The following BRD10 variants were observed in gnomAD, a reference collection of about 807,000 sequenced individuals.
The protein encoded by BRD10 is bromodomain containing 10.
At chr9:5,893,387 C>G in the BRD10 span, among the ~76,000 whole-genome samples, 1 of 152,190 alleles carries the variant, frequency 6.6e-6, no homozygotes, top group Admixed American at 6.5e-5. Context: ...TGTGAACCTG[C>G]TCTTTCTTTG....
At chr9:5,882,043 T>G in the BRD10 span, among the ~76,000 whole-genome samples, 26 of 152,150 alleles carry the variant, frequency 1.7e-4, no homozygotes, top group Non-Finnish European at 3.4e-4. Flanking sequence ...CCGGCAACCT[T>G]CCATAGTCTC....
At chr9:5,947,863 G>C in the BRD10 span, among the ~76,000 whole-genome samples, 3 of 151,836 alleles carry the variant, frequency 2.0e-5, no homozygotes, top group Non-Finnish European at 4.4e-5. Context: ...TTTTAAAAAA[G>C]CAAAACACCT....
the BRD10 span, among the ~76,000 whole-genome samples, chr9:5,940,407 C>A: frequency 0.23 from 35,045 of 151,674 alleles, 4,170 homozygotes; most frequent in South Asian, 0.44. Context: ...GTTAGCCAGG[C>A]TGGTCTCGAA....
chr9:5,973,891 A>G, the BRD10 span, among the ~76,000 whole-genome samples: 2 of 152,208 alleles, frequency 1.3e-5, no homozygotes, highest in Non-Finnish European at 2.9e-5. Context: ...CAAAAAAACC[A>G]AAACAAAACA....
chr9:5,925,967 G>C, the BRD10 span, among the ~76,000 whole-genome samples: 1 of 152,046 alleles, frequency 6.6e-6, no homozygotes, highest in Non-Finnish European at 1.5e-5. Context: ...ACCCAGATTG[G>C]AGTGGAGTGG....
At chr9:5,882,051 C>T in the BRD10 span, among the ~76,000 whole-genome samples, 1 of 152,188 alleles carries the variant, frequency 6.6e-6, no homozygotes, top group Non-Finnish European at 1.5e-5. Context: ...CTTCCATAGT[C>T]TCCTGCAGGA....
the BRD10 span, among the ~76,000 whole-genome samples, chr9:5,982,654 A>G: frequency 6.6e-5 from 10 of 152,246 alleles, no homozygotes; most frequent in Non-Finnish European, 1.3e-4. Context: ...TGGACTTCAC[A>G]TCCTCTGTAA....
chr9:5,917,265 C>T, the BRD10 span, among the ~76,000 whole-genome samples: 6 of 152,170 alleles, frequency 3.9e-5, no homozygotes, highest in African/African-American at 1.4e-4. Context: ...ATGACAAGGA[C>T]AGGGAGTTAC....
At chr9:6,007,706 C>T in the BRD10 span, 32 of 1,607,734 alleles carry the variant, frequency 2.0e-5, no homozygotes, top group African/African-American at 1.9e-4. Flanking sequence ...TCCTCCTCGT[C>T]GTCCTCTCCT....
At chr9:5,910,179 G>C in the BRD10 span, 7 of 152,174 alleles carry the variant, frequency 4.6e-5, no homozygotes. Context: ...GAGTTTTAAA[G>C]AAATTACTTT....
chr9:5,915,665 C>T, the BRD10 span, among the ~76,000 whole-genome samples: 1 of 152,170 alleles, frequency 6.6e-6, no homozygotes, highest in Non-Finnish European at 1.5e-5. Context: ...AGCACAAATG[C>T]CACCTCTTAC....
the BRD10 span, among the ~76,000 whole-genome samples, chr9:5,925,539 A>G: frequency 6.6e-6 from 1 of 152,124 alleles, no homozygotes; most frequent in Admixed American, 6.5e-5. Context: ...ACTGACTATA[A>G]CACATCTTAA....
chr9:5,892,540 C>T, the BRD10 span: 1 of 1,613,086 alleles, frequency 6.2e-7, no homozygotes, highest in Non-Finnish European at 8.5e-7. Flanking sequence ...ACTCTTACAC[C>T]ACGGCTGAAG....
the BRD10 span, among the ~76,000 whole-genome samples, chr9:5,979,063 T>C: frequency 1.3e-5 from 2 of 152,210 alleles, no homozygotes; most frequent in Non-Finnish European, 2.9e-5. Flanking sequence ...CTTTGTGTTA[T>C]AGAGAATATG....
the BRD10 span, among the ~76,000 whole-genome samples, chr9:5,997,110 C>T: frequency 8.5e-5 from 13 of 152,204 alleles, no homozygotes; most frequent in African/African-American, 2.9e-4. Context: ...AAAGCTAGAG[C>T]AAGTCTTAGC....
chr9:5,916,498 T>C, the BRD10 span, among the ~76,000 whole-genome samples: 1 of 148,206 alleles, frequency 6.7e-6, no homozygotes, highest in African/African-American at 2.5e-5. Context: ...TGTGTATATA[T>C]ATGTATGTGT....
the BRD10 span, chr9:5,919,078 T>C: frequency 6.6e-6 from 1 of 152,618 alleles, no homozygotes; most frequent in Non-Finnish European, 1.5e-5. Context: ...AACAGTTCAC[T>C]GGTCCAAAAT....
At chr9:6,008,263 C>CA in the BRD10 span, 2 of 984,040 alleles carry the variant, frequency 2.0e-6, no homozygotes, top group Non-Finnish European at 2.4e-6. Context: ...CCTCACACCC[C>CA]CTCCCGCCCC....
At chr9:5,959,495 C>A in the BRD10 span, among the ~76,000 whole-genome samples, 517 of 152,212 alleles carry the variant, frequency 3.4e-3, 3 homozygotes, top group African/African-American at 0.011. Flanking sequence ...CAGTGCCTGG[C>A]ATACAATAAG....
Sources: allele counts gnomAD v4.1 joint callset (sites outside exome capture counted in the v4.1 genomes callset), GRCh38; gene constraint gnomAD v4.1.1; transcripts MANE v1.5; gene names NCBI Gene and HGNC (gene_info 2026-07-23, HGNC 2026-07-21).